ENPP6: variants seen among roughly 807,000 people sequenced by gnomAD.
The protein encoded by ENPP6 is glycerophosphocholine cholinephosphodiesterase ENPP6.
ENPP6 carries 32 observed loss-of-function variants against 42.0 expected under a neutral mutation model. The observed-to-expected ratio is 0.76, with a 90% CI of 0.58 to 1.02. ENPP6 has a LOEUF of 1.02. Among genes scored for constraint, ENPP6 ranks in the 50% least tolerant of loss-of-function variants. The pLI is 0.00. For synonymous variants in ENPP6, 213 were observed against 216.0 expected, an observed-to-expected ratio of 0.99 and a Z score of 0.12; for missense variants, 552 against 566.8, an observed-to-expected ratio of 0.97 and a Z score of 0.27.
At chr4:184,160,833 C>T (rs959104833) in intron 1 of ENPP6, among the ~76,000 whole-genome samples, 9 of 152,076 alleles carry the variant, frequency 5.9e-5, no homozygotes, top group African/African-American at 2.2e-4. Flanking sequence ...CATATGTTGT[C>T]TAGAAATGTA....
At chr4:184,157,419 T>TTCTTTCTC (rs1553997693) in intron 1 of ENPP6, among the ~76,000 whole-genome samples, 5 of 150,780 alleles carry the variant, frequency 3.3e-5, no homozygotes, top group South Asian at 2.1e-4. Flanking sequence ...CTTTCTTTCT[T>TTCTTTCTC]TCTTTCTTTC....
intron 1 of ENPP6, among the ~76,000 whole-genome samples, chr4:184,212,194 T>G (rs890540627): frequency 3.3e-5 from 5 of 151,844 alleles, no homozygotes; most frequent in Non-Finnish European, 5.9e-5. Flanking sequence ...AGGGATGCCC[T>G]CTCTCACCAC....
intron 1 of ENPP6, among the ~76,000 whole-genome samples, chr4:184,205,996 G>A (rs868700176): frequency 6.6e-6 from 1 of 152,138 alleles, no homozygotes; most frequent in Non-Finnish European, 1.5e-5. Context: ...CGCCCGGGAG[G>A]ACACTGTTCC....
intron 1 of ENPP6, among the ~76,000 whole-genome samples, chr4:184,190,414 C>T (rs1478091048): frequency 6.6e-6 from 1 of 152,120 alleles, no homozygotes; most frequent in Non-Finnish European, 1.5e-5. Context: ...CAGAGAGAAT[C>T]GGGGAGATAT....
At chr4:184,167,585 C>A (rs1737373039) in intron 1 of ENPP6, among the ~76,000 whole-genome samples, 1 of 152,188 alleles carries the variant, frequency 6.6e-6, no homozygotes, top group African/African-American at 2.4e-5. Flanking sequence ...GTCAACCATC[C>A]CCCGCCCGCT....
intron 1 of ENPP6, among the ~76,000 whole-genome samples, chr4:184,188,125 C>G (rs756496771): frequency 2.6e-5 from 4 of 152,152 alleles, no homozygotes; most frequent in Non-Finnish European, 5.9e-5. Context: ...CATGCTCTTA[C>G]AGAAGACCAT....
intron 5 of ENPP6, among the ~76,000 whole-genome samples, chr4:184,113,494 G>A (rs1412849884): frequency 6.6e-6 from 1 of 152,044 alleles, no homozygotes. Flanking sequence ...GAGTATAAAG[G>A]GTCTGCTGTA....
intron 2 of ENPP6, among the ~76,000 whole-genome samples, chr4:184,136,292 A>G (rs1736729089): frequency 6.6e-6 from 1 of 152,004 alleles, no homozygotes; most frequent in South Asian, 2.1e-4. Flanking sequence ...CAGACACTTT[A>G]ACTCTGAAAT....
At chr4:184,109,786 C>T (rs184023744) in intron 6 of ENPP6, among the ~76,000 whole-genome samples, 1 of 152,188 alleles carries the variant, frequency 6.6e-6, no homozygotes, top group South Asian at 2.1e-4. Context: ...CTAAGACATA[C>T]AATACAGTAC....
chr4:184,217,792 G>A lies in ENPP6; in HGVS notation c.28C>T (p.Leu10=), dbSNP rs756015643. The A allele has an allele frequency of 1.2e-6, 2 of 1,613,758 alleles. No individual in the cohort carries two copies. Among genetic ancestry groups the A allele is most frequent in the Non-Finnish European group, 8.5e-7 (1 of 1,180,006 alleles). The change falls in exon 1 of 8, where the codon CTG becomes TTG. Residue 10 remains leucine, a synonymous_variant. Transcript: ENST00000296741. MAVKLGTLL[L]ALALGLAQPA... Reference sequence around the variant, plus strand: ...TGGGCCAGGCCCAGGGCAAGGGCCAGCAGGAGGGTCCCAAGCTTCACTGCC... The same window carrying A: ...TGGGCCAGGCCCAGGGCAAGGGCCAACAGGAGGGTCCCAAGCTTCACTGCC...
Position 184,127,219 on chromosome 4 carries a change from A to T in ENPP6, c.422-2947T>A, listed in dbSNP as rs184243073. Among the ~76,000 whole-genome samples, 26 of 152,334 alleles carry T rather than the reference A, an allele frequency of 1.7e-4. No individual in the cohort carries two copies. In the East Asian group the frequency reaches 4.4e-3, roughly 26 times the overall value. ...ATTATATAATAAAATTTTGAAACTC[A>T]TGTCATTTGTGAATATTATTTTAAA... On this transcript the variant is annotated intron_variant, in intron 2 of 7. Transcript: ENST00000296741.
chr4:184,122,404 A>ACACGAC, intron 3 of ENPP6, among the ~76,000 whole-genome samples: 1 of 140,886 alleles, frequency 7.1e-6, no homozygotes, highest in East Asian at 2.1e-4. Flanking sequence ...ACACACTCAT[A>ACACGAC]CACCACCACC....
chr4:184,182,358 C>A (rs917418472), intron 1 of ENPP6, among the ~76,000 whole-genome samples: 5 of 152,152 alleles, frequency 3.3e-5, no homozygotes, highest in African/African-American at 1.2e-4. Flanking sequence ...AGTTAAGAAA[C>A]AATAGATGCT....
chr4:184,197,775 A>G (rs112526119), intron 1 of ENPP6, among the ~76,000 whole-genome samples: 1,741 of 152,350 alleles, frequency 0.011, 41 homozygotes, highest in African/African-American at 0.04. Context: ...TGCATGCTAA[A>G]ATAGACTATG....
In ENPP6 at chr4:184,117,829, G is replaced by A. The variant is rs575580266; in HGVS notation, c.605C>T (p.Ala202Val). The A allele has an allele frequency of 6.2e-7, 1 of 1,614,250 alleles. No individual in the cohort carries two copies. The highest frequency in any genetic ancestry group is 8.5e-7 in the Non-Finnish European group (1 of 1,180,044). The change falls in exon 4 of 8, where the codon GCA becomes GTA. Residue 202 changes from alanine to valine, a missense_variant. This residue lies in a region of ENPP6 where 545 missense variants were observed against 546.3 expected (regional missense o/e 1.00). Coordinates refer to ENST00000296741, the MANE Select transcript of ENPP6 (RefSeq NM_153343.4). ...GAGGGCATCTTTCCTCTGCGGAGAT[G>A]CAGGCCCGTAGTGGTGGCCTTCCAC... Reference protein sequence around the residue: ...IDVEGHHYGPASPQRKDALKA... With the variant: ...IDVEGHHYGPVSPQRKDALKA...
chr4:184,158,761 G>C (rs750986408), intron 1 of ENPP6, among the ~76,000 whole-genome samples: 5 of 152,124 alleles, frequency 3.3e-5, no homozygotes, highest in Non-Finnish European at 5.9e-5. Flanking sequence ...TAGCTCCAGG[G>C]GTTCTTTAAT....
At chr4:184,153,406 G>T (rs961616231) in intron 2 of ENPP6, 148 bp downstream of exon 2, 1 of 916,052 alleles carries the variant, frequency 1.1e-6, no homozygotes. Flanking sequence ...TTACAGGCCT[G>T]AGCCACCGTG....
chr4:184,178,854 G>A (rs948702527), intron 1 of ENPP6, among the ~76,000 whole-genome samples: 5 of 152,164 alleles, frequency 3.3e-5, no homozygotes, highest in Non-Finnish European at 5.9e-5. Context: ...CCAGGTCTGT[G>A]TTGCAAGAGC....
chr4:184,112,880 G>A, intron 5 of ENPP6, 71 bp from the exon 6 acceptor site: 1 of 1,459,498 alleles, frequency 6.9e-7, no homozygotes, highest in Non-Finnish European at 9.2e-7. Context: ...TGGAGCTAGG[G>A]GAGAGGAGAA....
Sources: gnomAD v4.1 joint callset for allele counts (sites outside exome capture counted in the v4.1 genomes callset) on GRCh38, gnomAD v4.1.1 for gene constraint, gnomAD v4.1.1 regional missense constraint, MANE v1.5 for transcripts, NCBI Gene and HGNC (gene_info 2026-07-23, HGNC 2026-07-21) for gene names.